The following GSE1 variants were observed in gnomAD, a reference collection of about 807,000 sequenced individuals.
GSE1 encodes genetic suppressor element 1.
In GSE1, 32 loss-of-function variants were observed where a neutral mutation model predicts 112.6. That is an observed-to-expected ratio of 0.28 (90% CI 0.21 to 0.38). The LOEUF (loss-of-function observed/expected upper bound fraction) is 0.38, where lower values mean the gene tolerates loss of function less well. GSE1 is among the 10% of genes least tolerant of loss of function. The pLI, the probability that GSE1 is intolerant of heterozygous loss-of-function variation, is 1.00. For missense variants in GSE1, 2,348 were observed against 1,699.2 expected, an observed-to-expected ratio of 1.38 and a Z score of -6.71; for synonymous variants, 1,115 against 735.6, an observed-to-expected ratio of 1.52 and a Z score of -8.35.
At chr16:85,583,579 TCACA>T (rs1386084755) in intron 1 of GSE1, 1 of 149,168 alleles carries the variant, frequency 6.7e-6, no homozygotes, top group African/African-American at 2.5e-5. Flanking sequence ...TCACACATGC[TCACA>T]CATTCGCACG....
At chr16:85,244,858 G>T (rs55675495) in intron 1 of GSE1, among the ~76,000 whole-genome samples, 131 of 152,218 alleles carry the variant, frequency 8.6e-4, no homozygotes, top group Middle Eastern at 3.4e-3. Context: ...GTGCGTGATG[G>T]CACATGCCTG....
Position 85,503,953 on chromosome 16 carries a change from TG to T in GSE1, c.2465-129960del, listed in dbSNP as rs1422383158. ...GCGGAAGATAGATGGTCATCCTTTT[TG>T]CTCCCTTCATTAGGAGGGAGGGTCA... On this transcript the variant is annotated intron_variant, in intron 2 of 2. Transcript: ENST00000637419. Among the ~76,000 whole-genome samples, 4 of 152,186 alleles carry T rather than the reference TG, an allele frequency of 2.6e-5. No individual in the cohort carries two copies. The South Asian group carries it at 8.3e-4, about 32-fold the overall frequency.
At chr16:85,507,680 C>T (rs1042243987) in intron 2 of GSE1, among the ~76,000 whole-genome samples, 2 of 152,126 alleles carry the variant, frequency 1.3e-5, no homozygotes, top group African/African-American at 4.8e-5. Context: ...CTTATGGGGA[C>T]ACCAGTCCTA....
chr16:85,377,022 A>T (rs1001412217), intron 2 of GSE1, among the ~76,000 whole-genome samples: 1 of 152,162 alleles, frequency 6.6e-6, no homozygotes, highest in African/African-American at 2.4e-5. Context: ...CCTGCCTCCC[A>T]CCTTCACCGA....
chr16:85,642,863 G>A (rs1382270340), intron 2 of GSE1, among the ~76,000 whole-genome samples: 2 of 152,084 alleles, frequency 1.3e-5, no homozygotes, highest in East Asian at 1.9e-4. Flanking sequence ...TTCCATGCTC[G>A]CTGCTGGCCT....
At chr16:85,505,289 A>G (rs1027690802) in intron 2 of GSE1, among the ~76,000 whole-genome samples, 2 of 152,100 alleles carry the variant, frequency 1.3e-5, no homozygotes, top group African/African-American at 4.8e-5. Context: ...CCATGCGATC[A>G]GGGACACCCG....
At chr16:85,249,510 C>T (rs547791800) in intron 1 of GSE1, among the ~76,000 whole-genome samples, 3 of 152,196 alleles carry the variant, frequency 2.0e-5, no homozygotes, top group Non-Finnish European at 4.4e-5. Context: ...CTCTGGGTTC[C>T]GGGGGCGCGC....
At chr16:85,456,582 G>A (rs978364952) in intron 2 of GSE1, among the ~76,000 whole-genome samples, 508 of 36,210 alleles carry the variant, frequency 0.014, 7 homozygotes, top group African/African-American at 0.058. Flanking sequence ...TTCCTGCCGT[G>A]TGTGTGTGTG....
chr16:85,310,816 C>G (rs34964391), intron 1 of GSE1, among the ~76,000 whole-genome samples: 5,526 of 152,004 alleles, frequency 0.036, 341 homozygotes, highest in African/African-American at 0.12. Flanking sequence ...CAGCCCCTCC[C>G]CTCAACACCC....
chr16:85,378,175 G>A (rs1334731756), intron 2 of GSE1, among the ~76,000 whole-genome samples: 2 of 152,194 alleles, frequency 1.3e-5, no homozygotes, highest in Non-Finnish European at 1.5e-5. Context: ...GGAGGGCAGT[G>A]GGGGTAGGGC....
At chr16:85,324,625 C>T (rs1410601207) in intron 1 of GSE1, among the ~76,000 whole-genome samples, 1 of 152,100 alleles carries the variant, frequency 6.6e-6, no homozygotes, top group African/African-American at 2.4e-5. Flanking sequence ...AGCACAGAAG[C>T]TGTCAGTTGA....
intron 1 of GSE1, among the ~76,000 whole-genome samples, chr16:85,292,368 C>G (rs143425334): frequency 7.1e-6 from 1 of 141,688 alleles, no homozygotes; most frequent in Non-Finnish European, 1.5e-5. Context: ...CTTGCTCTGT[C>G]AACAGGCTGG....
intron 1 of GSE1, among the ~76,000 whole-genome samples, chr16:85,186,920 A>ACC (rs144681854): frequency 0.014 from 2,142 of 152,338 alleles, 56 homozygotes; most frequent in African/African-American, 0.049. Context: ...TGTAAACAGG[A>ACC]CCCTCTGACG....
At chr16:85,198,706 C>G (rs2074974213) in intron 1 of GSE1, among the ~76,000 whole-genome samples, 1 of 152,192 alleles carries the variant, frequency 6.6e-6, no homozygotes, top group Admixed American at 6.5e-5. Context: ...AGAGACCCCC[C>G]ACCCCGACCC....
At chr16:85,468,312 CTTTT>C (rs55873035) in intron 2 of GSE1, among the ~76,000 whole-genome samples, 2 of 116,724 alleles carry the variant, frequency 1.7e-5, no homozygotes, top group African/African-American at 3.4e-5. Flanking sequence ...CCCTTCTTTC[CTTTT>C]TTTTTTTTTT....
At chr16:85,517,782 A>C (rs747768446) in intron 2 of GSE1, among the ~76,000 whole-genome samples, 3 of 152,246 alleles carry the variant, frequency 2.0e-5, no homozygotes, top group Non-Finnish European at 2.9e-5. Context: ...AGCCCCGTGC[A>C]CGGAGCCAGT....
At chr16:85,320,061 C>T (rs941451087) in intron 1 of GSE1, among the ~76,000 whole-genome samples, 2 of 152,214 alleles carry the variant, frequency 1.3e-5, no homozygotes, top group Non-Finnish European at 2.9e-5. Flanking sequence ...ATGACAGGCC[C>T]CACATTTTCA....
At chr16:85,495,429 T>TTTTA (rs67017375) in intron 2 of GSE1, among the ~76,000 whole-genome samples, 3,522 of 145,256 alleles carry the variant, frequency 0.024, 48 homozygotes, top group Middle Eastern at 0.06. Context: ...GCTGGGAACA[T>TTTTA]TTTATTTATT....
intron 2 of GSE1, chr16:85,357,771 G>T: frequency 4.4e-6 from 2 of 457,122 alleles, no homozygotes; most frequent in South Asian, 4.3e-5. Flanking sequence ...CTAGGGGAGA[G>T]ACCGGGTGCT....
Sources: gnomAD v4.1 joint callset for allele counts (sites outside exome capture counted in the v4.1 genomes callset) on GRCh38, gnomAD v4.1.1 for gene constraint, MANE v1.5 for transcripts, NCBI Gene and HGNC (gene_info 2026-07-23, HGNC 2026-07-21) for gene names.